TM2D3: variants seen among roughly 807,000 people sequenced by gnomAD.
TM2D3 encodes TM2 domain containing 3, also known as TM2 domain-containing protein 3.
Under a neutral mutation model 27.3 loss-of-function variants are expected in TM2D3, and 33 were observed. That is an observed-to-expected ratio of 1.21 (90% CI 0.92 to 1.61). The LOEUF (loss-of-function observed/expected upper bound fraction) is 1.61, where lower values mean the gene tolerates loss of function less well. Ranked by LOEUF, TM2D3 falls within the 40% of genes most tolerant of loss-of-function variation. TM2D3 has a pLI of 0.00. For missense variants in TM2D3, 364 were observed against 320.8 expected, an observed-to-expected ratio of 1.13 and a Z score of -1.03; for synonymous variants, 138 against 122.2, an observed-to-expected ratio of 1.13 and a Z score of -0.85.
chr15:101,638,009 T>A (rs1466634081), downstream of TM2D3, among the ~76,000 whole-genome samples: 2 of 152,220 alleles, frequency 1.3e-5, no homozygotes, highest in Non-Finnish European at 2.9e-5. Flanking sequence ...CTAGAATATC[T>A]GGTCTCTGGT....
Position 101,650,052 on chromosome 15 carries a change from C to T in TM2D3, c.279G>A (p.Gly93=), listed in dbSNP as rs759750881. Residue 93 remains glycine (G), a synonymous_variant, in exon 3 of 6, where the codon GGG becomes GGA. Coordinates refer to ENST00000333202, the MANE Select transcript of TM2D3 (RefSeq NM_078474.3). ...DCTTNFSCTY[G]KPVTFDCAVK... is the part of the protein sequence containing the mutation. ...CTGCACAGTCAAAAGTGACAGGCTT[C>T]CCATAGGTACAGGAGAAATTTGTTG... 22 of 1,614,012 alleles carry T rather than the reference C, an allele frequency of 1.4e-5. 1 individual carries two copies. Among genetic ancestry groups the T allele is most frequent in the Middle Eastern group, 1.6e-4 (1 of 6,084 alleles).
intron 4 of TM2D3, chr15:101,646,405 G>GCACTCAGT: frequency 3.2e-6 from 1 of 312,836 alleles, no homozygotes; most frequent in Non-Finnish European, 6.0e-6. Context: ...GTGAAGGCAA[G>GCACTCAGT]CACTCAGGCA....
At position 101,652,335 on chromosome 15, in the gene TM2D3, C is replaced by G. The variant is rs760740696; in HGVS notation, c.27G>C (p.Arg9Ser). ...GCACGCGACACAAGGCGCGGAGGCC[C>G]CTCAGCGGGAGCACCCCTCCCGCCA... MAGGVLPL[R>S]GLRALCRVLL... Residue 9 changes from arginine (R) to serine (S), a missense_variant, in exon 1 of 6, where the codon AGG becomes AGC. Physicochemically the swap from Arg to Ser is moderately radical, Grantham distance 110. Coordinates refer to ENST00000333202, the MANE Select transcript of TM2D3 (RefSeq NM_078474.3). 6.2e-7 allele frequency: 1 copy of G among 1,601,750 alleles called. No individual in the cohort carries two copies. The highest frequency in any genetic ancestry group is 1.4e-5 in the African/African-American group (1 of 72,720).
intron 4 of TM2D3, chr15:101,634,575 A>G (rs1027455253): frequency 5.9e-5 from 9 of 152,228 alleles, no homozygotes; most frequent in Non-Finnish European, 1.2e-4. Flanking sequence ...ATGCTGAAAA[A>G]TACTATCAAG....
chr15:101,650,072 T>C lies in TM2D3; in HGVS notation c.259A>G (p.Asn87Asp), dbSNP rs151143463. 200 of 1,614,092 alleles carry C rather than the reference T, an allele frequency of 1.2e-4. 1 individual carries two copies. The African/African-American group carries it at 2.3e-3, about 19-fold the overall frequency. Residue 87 changes from asparagine to aspartate, a missense_variant, in exon 3 of 6, where the codon AAT becomes GAT. Asn to Asp is a conservative substitution (Grantham distance 23, BLOSUM62 1). Transcript: ENST00000333202. ...GGCTTCCCATAGGTACAGGAGAAAT[T>C]TGTTGTGCAGTCTATACAGTCTGCA... Reference protein sequence around the residue: ...LPADCIDCTTNFSCTYGKPVT... With the variant: ...LPADCIDCTTDFSCTYGKPVT...
intron 2 of TM2D3, chr15:101,650,973 ATC>A (rs1440185458): frequency 1.3e-5 from 2 of 152,412 alleles, no homozygotes; most frequent in Middle Eastern, 3.4e-3. Context: ...TCAGTAAAAT[ATC>A]TCTGCCAGTT....
At chr15:101,647,330 A>G (rs993437371) in intron 3 of TM2D3, among the ~76,000 whole-genome samples, 24 of 152,220 alleles carry the variant, frequency 1.6e-4, no homozygotes, top group African/African-American at 5.8e-4. Context: ...CTGAGCTTCA[A>G]GTGAGGAGTG....
At chr15:101,640,346 GAGA>G (rs1378626944), downstream of TM2D3, among the ~76,000 whole-genome samples, 2 of 152,158 alleles carry the variant, frequency 1.3e-5, no homozygotes, top group Non-Finnish European at 2.9e-5. Flanking sequence ...GTGAGGATGT[GAGA>G]AGATGTTATG....
chr15:101,633,410 T>G, exon 5 of TM2D3: 1 of 367,184 alleles, frequency 2.7e-6, no homozygotes, highest in Non-Finnish European at 4.9e-6. Flanking sequence ...CTGTGTTCCT[T>G]TCTGGATCTT....
chr15:101,651,665 T>C (rs1232389466), intron 2 of TM2D3, 31 bp downstream of exon 2: 11 of 1,597,716 alleles, frequency 6.9e-6, no homozygotes, highest in Non-Finnish European at 8.6e-6. Context: ...GATAACTACA[T>C]GTATTTACTA....
At chr15:101,646,501 A>C in intron 4 of TM2D3, 1 of 458,570 alleles carries the variant, frequency 2.2e-6, no homozygotes, top group African/African-American at 2.3e-5. Flanking sequence ...TTATACTTCA[A>C]ATGTTTTTCT....
chr15:101,643,574 C>T (rs542571101), intron 5 of TM2D3, among the ~76,000 whole-genome samples: 426 of 131,152 alleles, frequency 3.2e-3, no homozygotes, highest in African/African-American at 0.012. Flanking sequence ...TGCACTCCAG[C>T]CTGGGTGACA....
downstream of TM2D3, chr15:101,641,765 A>G: frequency 2.1e-6 from 1 of 481,640 alleles, no homozygotes; most frequent in Middle Eastern, 1.0e-3. Context: ...GCCCTGAAAG[A>G]TAAAAATGTT....
intron 3 of TM2D3, among the ~76,000 whole-genome samples, chr15:101,649,439 G>C (rs560822448): frequency 6.6e-6 from 1 of 152,000 alleles, no homozygotes; most frequent in Non-Finnish European, 1.5e-5. Context: ...GCAACTATCT[G>C]GTGTTTTCTG....
At position 101,642,602 on chromosome 15, in the gene TM2D3, G is replaced by C; in HGVS notation, c.621C>G (p.Gly207=). The change falls in exon 6 of 6, where the codon GGC becomes GGG. Residue 207 remains glycine (G), a synonymous_variant. Coordinates refer to ENST00000333202, the MANE Select transcript of TM2D3 (RefSeq NM_078474.3). ...GGFGADRFYL[G]QWREGLGKLF... ...GCTTGCCGAGGCCTTCCCGCCACTG[G>C]CCCAGGTAGAAACGGTCTGCTCCAA... 1 of 1,613,118 alleles carries C rather than the reference G, an allele frequency of 6.2e-7. No homozygotes were observed. The highest frequency in any genetic ancestry group is 8.5e-7 in the Non-Finnish European group (1 of 1,179,654).
At chr15:101,638,283 G>C (rs537020966), downstream of TM2D3, among the ~76,000 whole-genome samples, 15 of 151,198 alleles carry the variant, frequency 9.9e-5, no homozygotes, top group African/African-American at 3.7e-4. Flanking sequence ...TTCCTCACCA[G>C]TGAGACCCCC....
At chr15:101,641,791 G>A (rs1480233693), downstream of TM2D3, 1 of 605,926 alleles carries the variant, frequency 1.7e-6, no homozygotes, top group Non-Finnish European at 2.1e-6. Flanking sequence ...TAACAATAAA[G>A]GTAAGTTGTA....
At position 101,642,096 on chromosome 15, in the gene TM2D3, A is replaced by C; in HGVS notation, c.*383T>G. 1.0e-6 allele frequency: 1 copy of C among 990,066 alleles called. No homozygotes were observed. Among genetic ancestry groups the C allele is most frequent in the Non-Finnish European group, 1.2e-6 (1 of 832,860 alleles). 61.3% of individuals were successfully genotyped at this position (990,066 alleles called of 1,614,324 possible). ...TCACAGCAATTAGCTAACAATAAAA[A>C]CACTCCCACTTCCTGCAGTCACAGC... On this transcript the variant is annotated 3_prime_UTR_variant, in exon 6 of 6. Transcript: ENST00000333202.
chr15:101,634,028 TG>T (rs1283317122), intron 4 of TM2D3: 1 of 265,818 alleles, frequency 3.8e-6, no homozygotes, highest in Non-Finnish European at 7.0e-6. Flanking sequence ...AGGGAAATTA[TG>T]TAACAAAAAA....
Sources: allele counts gnomAD v4.1 joint callset (sites outside exome capture counted in the v4.1 genomes callset), GRCh38; gene constraint gnomAD v4.1.1; transcripts MANE v1.5; gene names NCBI Gene and HGNC (gene_info 2026-07-23, HGNC 2026-07-21).